PHKA1: variants seen among roughly 807,000 people sequenced by gnomAD.
PHKA1 encodes phosphorylase b kinase regulatory subunit alpha, skeletal muscle isoform.
In PHKA1, 60 loss-of-function variants were observed where a neutral mutation model predicts 110.2. The observed-to-expected ratio is 0.54, with a 90% CI of 0.44 to 0.68. The LOEUF (loss-of-function observed/expected upper bound fraction) is 0.68. Ranked by LOEUF, PHKA1 falls within the 30% of genes least tolerant of loss-of-function variation. PHKA1 has a pLI of 0.00. For synonymous variants in PHKA1, 316 were observed against 333.6 expected (o/e 0.95, Z 0.58); for missense variants, 801 against 942.5 (o/e 0.85, Z 1.97).
chrX:72,593,588 G>T (rs1018661465), intron 28 of PHKA1: 2 of 215,665 alleles, frequency 9.3e-6, no homozygotes, highest in East Asian at 2.3e-4. Context: ...TGATCCACCC[G>T]CCTGGGCCTC....
At chrX:72,673,350 C>G (rs1267227453) in intron 6 of PHKA1, among the ~76,000 whole-genome samples, 1 of 111,613 alleles carries the variant, frequency 9.0e-6, no homozygotes, top group Non-Finnish European at 1.9e-5. Context: ...AAAGATAAAG[C>G]AAATATTAAC....
intron 15 of PHKA1, 102 bp downstream of exon 15, chrX:72,636,175 A>T: frequency 1.9e-6 from 1 of 539,079 alleles, no homozygotes; most frequent in Admixed American, 2.6e-5. Flanking sequence ...GCCTGGTGGA[A>T]CTCTTTGACA....
At chrX:72,677,243 C>T (rs2053789460) in intron 5 of PHKA1, among the ~76,000 whole-genome samples, 1 of 112,301 alleles carries the variant, frequency 8.9e-6, no homozygotes, top group Non-Finnish European at 1.9e-5. Context: ...CTGTGTCCTT[C>T]TCAGTGCATC....
chrX:72,616,006 T>C (rs1019577331), intron 21 of PHKA1, among the ~76,000 whole-genome samples: 1 of 111,664 alleles, frequency 9.0e-6, no homozygotes, highest in Non-Finnish European at 1.9e-5. Flanking sequence ...AGTGAGCGGA[T>C]GGAAAAAAGA....
At chrX:72,688,106 T>G (rs1556319551) in intron 4 of PHKA1, among the ~76,000 whole-genome samples, 1 of 111,256 alleles carries the variant, frequency 9.0e-6, no homozygotes, top group Non-Finnish European at 1.9e-5. Flanking sequence ...GGATTACAGG[T>G]TTGAGCCACT....
chrX:72,674,113 A>G (rs1473554143), intron 6 of PHKA1, among the ~76,000 whole-genome samples: 1 of 109,394 alleles, frequency 9.1e-6, no homozygotes, highest in East Asian at 2.9e-4. Context: ...AGCTTCATCC[A>G]TGTCCCCACA....
At chrX:72,628,160 A>C (rs1334289124) in intron 16 of PHKA1, among the ~76,000 whole-genome samples, 15 of 110,383 alleles carry the variant, frequency 1.4e-4, no homozygotes. Flanking sequence ...ATGGGCAATA[A>C]TCTTTTAAAT....
chrX:72,660,300 T>C (rs1305933127), intron 8 of PHKA1, among the ~76,000 whole-genome samples: 3 of 112,132 alleles, frequency 2.7e-5, no homozygotes, highest in African/African-American at 9.7e-5. Flanking sequence ...TGTATCTTTA[T>C]AGACAATCTG....
At chrX:72,704,051 C>T (rs1556331169) in intron 3 of PHKA1, among the ~76,000 whole-genome samples, 1 of 112,157 alleles carries the variant, frequency 8.9e-6, no homozygotes. Flanking sequence ...GGACTAATGT[C>T]TATAATGTAC....
chrX:72,689,141 T>C (rs2054003339), intron 4 of PHKA1: 1 of 112,460 alleles, frequency 8.9e-6, no homozygotes, highest in Admixed American at 9.4e-5. Context: ...CTGTATAACA[T>C]TAAGCCTCTT....
intron 4 of PHKA1, among the ~76,000 whole-genome samples, chrX:72,690,083 C>T (rs956180170): frequency 9.0e-6 from 1 of 111,585 alleles, no homozygotes; most frequent in East Asian, 2.8e-4. Context: ...TTAAGTTCTG[C>T]GAGTTCTTTT....
chrX:72,590,429 A>G (rs1184768461), intron 29 of PHKA1, among the ~76,000 whole-genome samples: 1 of 112,269 alleles, frequency 8.9e-6, no homozygotes, highest in Non-Finnish European at 1.9e-5. Flanking sequence ...TTAATTCAAG[A>G]TGGATTAAAG....
intron 8 of PHKA1, among the ~76,000 whole-genome samples, chrX:72,659,004 T>G (rs1569443473): frequency 8.9e-6 from 1 of 112,416 alleles, no homozygotes; most frequent in Non-Finnish European, 1.9e-5. Flanking sequence ...AGATTTCTCC[T>G]GAAATAATTG....
intron 28 of PHKA1, among the ~76,000 whole-genome samples, chrX:72,596,329 T>A (rs1556234222): frequency 9.0e-6 from 1 of 111,198 alleles, no homozygotes; most frequent in Non-Finnish European, 1.9e-5. Flanking sequence ...TCAATGGGTA[T>A]AAAGTTTCAG....
chrX:72,670,155 T>TC, intron 6 of PHKA1, among the ~76,000 whole-genome samples: 1 of 112,081 alleles, frequency 8.9e-6, no homozygotes, highest in East Asian at 2.8e-4. Context: ...TTTTTCATGT[T>TC]TTTTGGTGGC....
At chrX:72,690,077 G>T (rs1556320342) in intron 4 of PHKA1, among the ~76,000 whole-genome samples, 1 of 111,602 alleles carries the variant, frequency 9.0e-6, no homozygotes, top group Non-Finnish European at 1.9e-5. Context: ...TTTATATTAA[G>T]TTCTGCGAGT....
chrX:72,619,367 G>A, intron 19 of PHKA1, 62 bp from the exon 20 acceptor site: 2 of 672,006 alleles, frequency 3.0e-6, no homozygotes, highest in South Asian at 4.6e-5. Context: ...GAAATGCACA[G>A]TTGACTTCAA....
intron 13 of PHKA1, among the ~76,000 whole-genome samples, chrX:72,648,581 A>G (rs150877425): frequency 3.1e-3 from 346 of 111,078 alleles, no homozygotes; most frequent in African/African-American, 8.8e-3. Context: ...TTTTTCCCCA[A>G]TAGCTTTTTA....
intron 13 of PHKA1, among the ~76,000 whole-genome samples, chrX:72,647,635 T>A (rs2053376741): frequency 9.0e-6 from 1 of 110,866 alleles, no homozygotes; most frequent in Non-Finnish European, 1.9e-5. Context: ...GTGGAGGAGT[T>A]CTTACATCAT....
Sources: gnomAD v4.1 joint callset for allele counts (sites outside exome capture counted in the v4.1 genomes callset) on GRCh38, gnomAD v4.1.1 for gene constraint, MANE v1.5 for transcripts, NCBI Gene and HGNC (gene_info 2026-07-23, HGNC 2026-07-21) for gene names.